Variants in IGFL2 observed in about 807,000 individuals in gnomAD.
IGFL2 encodes the protein insulin growth factor-like family member 2.
A neutral mutation model predicts 13.9 loss-of-function variants in IGFL2; 7 were observed. The ratio of observed to expected loss-of-function variants is 0.51; its 90% CI spans 0.29 to 0.95. The LOEUF is 0.95. Among genes scored for constraint, IGFL2 ranks in the 40% least tolerant of loss-of-function variants. IGFL2 has a pLI of 0.08. For missense variants in IGFL2, 138 were observed against 147.8 expected (o/e 0.93, Z 0.34); for synonymous variants, 55 against 55.8 (o/e 0.99, Z 0.07).
the IGFL2 span, among the ~76,000 whole-genome samples, chr19:46,081,287 A>C: frequency 1.3e-5 from 2 of 152,212 alleles, no homozygotes; most frequent in Non-Finnish European, 2.9e-5. Context: ...ATTACTTTAA[A>C]ATAATTTTAG....
rs570020941 is a variant in IGFL2 at position 46,156,783 on chromosome 19, A to G, written c.20-3632A>G. ...AAAGCAAGAAGGAAGGAAATAATAAAGAGGAGAGCAGGAGTCGATAAAATT... is the reference window on the plus strand; with the variant it reads ...AAAGCAAGAAGGAAGGAAATAATAAGGAGGAGAGCAGGAGTCGATAAAATT... On this transcript the variant is annotated intron_variant, in intron 1 of 3. Transcript: ENST00000377693. Among the ~76,000 whole-genome samples, 127 of 152,248 alleles carry G rather than the reference A, an allele frequency of 8.3e-4. 2 individuals carry two copies. The Middle Eastern group carries it at 0.017, about 20-fold the overall frequency.
intron 1 of IGFL2, among the ~76,000 whole-genome samples, chr19:46,153,660 T>G (rs1973637025): frequency 6.6e-6 from 1 of 151,972 alleles, no homozygotes; most frequent in Admixed American, 6.6e-5. Context: ...GTTATATAAT[T>G]GCTTATATAA....
At chr19:46,086,869 CTG>C in the IGFL2 span, among the ~76,000 whole-genome samples, 1 of 151,372 alleles carries the variant, frequency 6.6e-6, no homozygotes, top group African/African-American at 2.4e-5. Context: ...AGTGTAGTCT[CTG>C]TGTGATTTAT....
chr19:46,135,101 A>G, the IGFL2 span, among the ~76,000 whole-genome samples: 1 of 150,798 alleles, frequency 6.6e-6, no homozygotes, highest in South Asian at 2.1e-4. Flanking sequence ...TAAACTTACA[A>G]AAAAGTTGTA....
chr19:46,168,902 G>GTGTGTGTA, the IGFL2 span, among the ~76,000 whole-genome samples: 5 of 133,910 alleles, frequency 3.7e-5, no homozygotes, highest in East Asian at 8.0e-4. Context: ...TAGATTGAGT[G>GTGTGTGTA]TGTGTGTGTG....
At chr19:46,102,547 C>G in the IGFL2 span, among the ~76,000 whole-genome samples, 2,012 of 151,868 alleles carry the variant, frequency 0.013, 30 homozygotes, top group Middle Eastern at 0.027. Context: ...TACATTATTG[C>G]GAGGGCGGGG....
upstream of IGFL2, chr19:46,148,049 G>T: frequency 2.0e-6 from 1 of 504,236 alleles, no homozygotes; most frequent in Non-Finnish European, 3.5e-6. Context: ...GATTTCGAGA[G>T]GTCTGAGAAG....
the IGFL2 span, among the ~76,000 whole-genome samples, chr19:46,187,227 C>T: frequency 1.1e-4 from 17 of 148,218 alleles, no homozygotes; most frequent in Admixed American, 2.7e-4. Flanking sequence ...AGCATTAACC[C>T]GTTTAAACCT....
chr19:46,181,356 T>G, the IGFL2 span: 2 of 152,210 alleles, frequency 1.3e-5, no homozygotes, highest in Non-Finnish European at 2.9e-5. Context: ...TTTAAAATTA[T>G]GGAAGGGGAC....
chr19:46,163,149 A>G (rs1022042645), downstream of IGFL2, among the ~76,000 whole-genome samples: 12 of 152,134 alleles, frequency 7.9e-5, no homozygotes, highest in Admixed American at 6.5e-4. Flanking sequence ...TGGCTCCCCT[A>G]TGTTTCCTCA....
the IGFL2 span, chr19:46,120,288 C>T: frequency 9.6e-5 from 155 of 1,610,038 alleles, 5 homozygotes; most frequent in Admixed American, 8.1e-4. Context: ...TGCTTCGTCT[C>T]TTCTCCCCTT....
the IGFL2 span, among the ~76,000 whole-genome samples, chr19:46,132,148 A>G: frequency 6.6e-6 from 1 of 152,278 alleles, no homozygotes; most frequent in South Asian, 2.1e-4. Flanking sequence ...ACACACAGAG[A>G]AAGTCCAGAA....
the IGFL2 span, chr19:46,213,132 A>T: frequency 2.6e-5 from 4 of 152,592 alleles, no homozygotes; most frequent in Admixed American, 6.5e-5. Context: ...GCTCAATGGG[A>T]TCCTGTGGAA....
the IGFL2 span, among the ~76,000 whole-genome samples, chr19:46,104,009 G>C: frequency 6.6e-6 from 1 of 152,168 alleles, no homozygotes; most frequent in Non-Finnish European, 1.5e-5. Context: ...GTCCATCGAG[G>C]TTGTAGAGTT....
At chr19:46,159,956 A>G in intron 1 of IGFL2, 1 of 203,194 alleles carries the variant, frequency 4.9e-6, no homozygotes, top group South Asian at 9.5e-5. Context: ...TGACAGAGTA[A>G]GACCCTGTCT....
the IGFL2 span, chr19:46,124,161 G>A: frequency 6.2e-7 from 1 of 1,609,956 alleles, no homozygotes; most frequent in South Asian, 1.1e-5. Flanking sequence ...GAGCGTCTGG[G>A]GGCAGACATT....
At chr19:46,101,297 G>C in the IGFL2 span, among the ~76,000 whole-genome samples, 8 of 152,238 alleles carry the variant, frequency 5.3e-5, no homozygotes, top group Non-Finnish European at 2.9e-5. Flanking sequence ...CATCTGGGCT[G>C]CCTGGATTCC....
At chr19:46,181,404 A>T in the IGFL2 span, 10 of 152,288 alleles carry the variant, frequency 6.6e-5, no homozygotes, top group African/African-American at 2.2e-4. Flanking sequence ...TCAAACAATG[A>T]CCTGCCATCA....
chr19:46,199,270 C>G, the IGFL2 span, among the ~76,000 whole-genome samples: 2 of 152,214 alleles, frequency 1.3e-5, no homozygotes, highest in Non-Finnish European at 2.9e-5. Context: ...AAATGTCTGT[C>G]TGAGGTCAGG....
Sources: allele counts gnomAD v4.1 joint callset (sites outside exome capture counted in the v4.1 genomes callset), GRCh38; gene constraint gnomAD v4.1.1; transcripts MANE v1.5; gene names NCBI Gene and HGNC (gene_info 2026-07-23, HGNC 2026-07-21).